Variants in NACC1 observed in about 807,000 individuals in gnomAD.
NACC1 encodes nucleus accumbens associated 1.
Under a neutral mutation model 41.7 loss-of-function variants are expected in NACC1, and 6 were observed. The observed-to-expected ratio is 0.14, with a 90% CI of 0.08 to 0.28. The LOEUF (loss-of-function observed/expected upper bound fraction) is 0.28, where lower values mean the gene tolerates loss of function less well. NACC1 is among the 10% of genes least tolerant of loss of function. NACC1 has a pLI of 1.00. For synonymous variants in NACC1, 338 were observed against 330.6 expected (o/e 1.02, Z -0.24); for missense variants, 434 against 763.7 (o/e 0.57, Z 5.09).
intron 1 of NACC1, among the ~76,000 whole-genome samples, chr19:13,130,295 C>T (rs1249559758): frequency 6.6e-6 from 1 of 152,060 alleles, no homozygotes; most frequent in Admixed American, 6.6e-5. Flanking sequence ...CCAGACTGGT[C>T]TTGAACCCCT....
chr19:13,131,211 A>G (rs4926210), intron 1 of NACC1, among the ~76,000 whole-genome samples: 96,251 of 151,980 alleles, frequency 0.63, 31,316 homozygotes, highest in African/African-American at 0.76. Flanking sequence ...AGGAGGATGC[A>G]GTTCATCAGG....
At position 13,138,506 on chromosome 19, in the gene NACC1, G is replaced by T. The variant is rs552117276; in HGVS notation, c.*100G>T. 5.6e-5 allele frequency: 84 copies of T among 1,492,216 alleles called. No individual in the cohort carries two copies. Among genetic ancestry groups the T allele is most frequent in the Non-Finnish European group, 7.0e-5 (78 of 1,111,306 alleles). 92.4% of individuals were successfully genotyped at this position (1,492,216 alleles called of 1,614,324 possible). A position where few individuals can be genotyped will look rare whatever the true frequency, so the allele number is the denominator to read the frequency against. On this transcript the variant is annotated 3_prime_UTR_variant, in exon 6 of 6. Transcript: ENST00000292431. This position sits in a 1 kb window ranked among gnomAD's most constrained non-coding sequence, Gnocchi z 5.7. ...TACTGTCTGTCCCTCCCCAGGACCCGCGGTGGGTGCTGCATGTTCCCGGCC... is the reference window on the plus strand; with the variant it reads ...TACTGTCTGTCCCTCCCCAGGACCCTCGGTGGGTGCTGCATGTTCCCGGCC...
At chr19:13,128,830 T>G (rs2019596477) in intron 1 of NACC1, among the ~76,000 whole-genome samples, 1 of 152,234 alleles carries the variant, frequency 6.6e-6, no homozygotes, top group African/African-American at 2.4e-5. Context: ...CCGTGTGCTG[T>G]GCCCTTGGGT....
chr19:13,126,340 C>T (rs545581061), intron 1 of NACC1, among the ~76,000 whole-genome samples: 4 of 152,142 alleles, frequency 2.6e-5, no homozygotes, highest in Admixed American at 6.5e-5. Flanking sequence ...CGTGAGTCAC[C>T]GTGCCCAGCC....
rs2019738446 is a variant in NACC1, at chr19:13,138,444, C to G, written c.*38C>G. The G allele has an allele frequency of 6.3e-7, 1 of 1,595,764 alleles. No homozygotes were observed. The highest frequency in any genetic ancestry group is 8.5e-7 in the Non-Finnish European group (1 of 1,175,618). ...CCCGCGGGGCCACACACTTCCCCTC[C>G]CAACACACACACACACCTGCCATCT... is the stretch of plus-strand genomic sequence containing the variant. On this transcript the variant is annotated 3_prime_UTR_variant, in exon 6 of 6. Coordinates refer to ENST00000292431, the MANE Select transcript of NACC1 (RefSeq NM_052876.4). This position sits in a 1 kb window ranked among gnomAD's most constrained non-coding sequence, Gnocchi z 5.7.
Position 13,137,417 on chromosome 19 carries a change from T to C in NACC1, c.1226+41T>C, listed in dbSNP as rs1231791860. On this transcript the variant is annotated intron_variant, in intron 4 of 5. Coordinates refer to ENST00000292431, the MANE Select transcript of NACC1 (RefSeq NM_052876.4). The surrounding 1 kb of genome is among the most constrained non-coding windows in gnomAD (Gnocchi z 6.1). The stretch of plus-strand genomic sequence containing the variant: ...GAGCCCCAGGGAGGGGGGTGGGGTT[T>C]CCCCATGTCCCCCCCACCACCAACT... 3 of 1,607,912 alleles carry C rather than the reference T, an allele frequency of 1.9e-6. No homozygotes were observed. The highest frequency in any genetic ancestry group is 1.7e-6 in the Non-Finnish European group (2 of 1,175,430).
intron 1 of NACC1, among the ~76,000 whole-genome samples, chr19:13,126,809 C>A (rs1187721512): frequency 2.0e-5 from 3 of 152,094 alleles, no homozygotes; most frequent in South Asian, 2.1e-4. Flanking sequence ...GGAAGTAATT[C>A]TTTGTTCATT....
intron 1 of NACC1, among the ~76,000 whole-genome samples, chr19:13,127,606 G>A (rs901436099): frequency 8.0e-5 from 12 of 150,116 alleles, no homozygotes; most frequent in African/African-American, 2.2e-4. Flanking sequence ...CAGGAGAATC[G>A]CTTGAACGAT....
chr19:13,140,054 C>G lies in NACC1; in HGVS notation c.*1648C>G, dbSNP rs1280121447. 6.6e-6 allele frequency: 1 copy of G among 152,432 alleles called. No individual in the cohort carries two copies. The highest frequency in any genetic ancestry group is 6.5e-5 in the Admixed American group (1 of 15,268). 9.4% of individuals were successfully genotyped at this position (152,432 alleles called of 1,614,324 possible). A position where few individuals can be genotyped will look rare whatever the true frequency, so the allele number is the denominator to read the frequency against. ...GTAATCTGATTTGGAGACCATCCCC[C>G]CGATGGGACCAGCAGCCCCGCCGGC... On this transcript the variant is annotated 3_prime_UTR_variant, in exon 6 of 6. Coordinates refer to ENST00000292431, the MANE Select transcript of NACC1 (RefSeq NM_052876.4). The surrounding 1 kb of genome is among the most constrained non-coding windows in gnomAD (Gnocchi z 4.0).
intron 1 of NACC1, among the ~76,000 whole-genome samples, chr19:13,127,333 C>CA (rs59958429): frequency 0.012 from 468 of 40,004 alleles, 8 homozygotes; most frequent in East Asian, 0.093. Context: ...ACGTCTCTAC[C>CA]AAAAAAAAAA....
At chr19:13,119,606 G>C (rs2019463298) in intron 1 of NACC1, among the ~76,000 whole-genome samples, 2 of 152,180 alleles carry the variant, frequency 1.3e-5, no homozygotes, top group Non-Finnish European at 2.9e-5. Context: ...GGCCTCCCAG[G>C]CACCAACTCC....
intron 1 of NACC1, among the ~76,000 whole-genome samples, chr19:13,127,402 G>A (rs1283097686): frequency 6.4e-5 from 3 of 46,572 alleles, no homozygotes; most frequent in African/African-American, 2.7e-4. Flanking sequence ...TTTTTTTTTC[G>A]GTTAACTGGA....
intron 1 of NACC1, among the ~76,000 whole-genome samples, chr19:13,124,497 T>G (rs1310926375): frequency 2.6e-5 from 4 of 152,098 alleles, no homozygotes; most frequent in Admixed American, 1.3e-4. Context: ...TGCCTCAGCC[T>G]CCCGAAGTTC....
At position 13,140,783 on chromosome 19, in the gene NACC1, CT is replaced by C; in HGVS notation, c.*2382del. On this transcript the variant is annotated 3_prime_UTR_variant, in exon 6 of 6. Transcript: ENST00000292431. This position sits in a 1 kb window ranked among gnomAD's most constrained non-coding sequence, Gnocchi z 4.0. ...ACCCCTACCCCTGGGCGGCCTGCTG[CT>C]TTTTCCTTCTCTTCCTCCCCTGCCC... 1 of 153,112 alleles carries C rather than the reference CT, an allele frequency of 6.5e-6. No individual in the cohort carries two copies. The highest frequency in any genetic ancestry group is 1.5e-5 in the Non-Finnish European group (1 of 68,452). The allele number at this position is 153,112 out of a possible 1,614,324, so 9.5% of individuals were successfully genotyped here.
At position 13,136,183 on chromosome 19, in the gene NACC1, C is replaced by CA; in HGVS notation, c.946+31dup. On this transcript the variant is annotated intron_variant, in intron 2 of 5. Transcript: ENST00000292431. This position sits in a 1 kb window ranked among gnomAD's most constrained non-coding sequence, Gnocchi z 5.5. ...GGTGCCGTCCTGTCCCCCATCCCAC[C>CA]AGCCACCCCTGCTCCTCCTGCCACT... 2 of 1,602,548 alleles carry CA rather than the reference C, an allele frequency of 1.2e-6. No individual in the cohort carries two copies. Among genetic ancestry groups the CA allele is most frequent in the Non-Finnish European group, 8.5e-7 (1 of 1,173,328 alleles).
rs534725151 is a variant in NACC1 at position 13,136,864 on chromosome 19, AAAG to A, written c.1121-396_1121-394del. ...CAGAGTGAGACTTCATCTCTTAAAAAAAGAAGAAGAAGACTGTGTTTGGTCCTT... is the reference window on the plus strand; with the variant it reads ...CAGAGTGAGACTTCATCTCTTAAAAAAAGAAGAAGACTGTGTTTGGTCCTT... On this transcript the variant is annotated intron_variant, in intron 3 of 5. Coordinates refer to ENST00000292431, the MANE Select transcript of NACC1 (RefSeq NM_052876.4). This position sits in a 1 kb window ranked among gnomAD's most constrained non-coding sequence, Gnocchi z 5.5. 5.2e-3 allele frequency among the ~76,000 whole-genome samples: 789 copies of A among 152,260 alleles called. 5 individuals are homozygous for A. Among genetic ancestry groups the A allele is most frequent in the Non-Finnish European group, 8.3e-3 (565 of 68,004 alleles).
intron 1 of NACC1, among the ~76,000 whole-genome samples, chr19:13,126,509 C>T (rs2019564645): frequency 6.6e-6 from 1 of 152,140 alleles, no homozygotes; most frequent in South Asian, 2.1e-4. Flanking sequence ...CTCTCACAGG[C>T]CCATGCTGGC....
At position 13,137,064 on chromosome 19, in the gene NACC1, C is replaced by T. The variant is rs2019716850; in HGVS notation, c.1121-207C>T. Among the ~76,000 whole-genome samples the T allele has an allele frequency of 6.6e-6, 1 of 152,174 alleles. No individual in the cohort carries two copies. Among genetic ancestry groups the T allele is most frequent in the Non-Finnish European group, 1.5e-5 (1 of 68,022 alleles). On this transcript the variant is annotated intron_variant, in intron 3 of 5. Coordinates refer to ENST00000292431, the MANE Select transcript of NACC1 (RefSeq NM_052876.4). This position sits in a 1 kb window ranked among gnomAD's most constrained non-coding sequence, Gnocchi z 6.1. ...GCAACCCTTTCTGTCCTTTCCTGAG[C>T]ACTGATGAGGTTGGGGGAGCCCCAA...
chr19:13,117,355 G>T (rs544427520), upstream of NACC1: 1 of 152,284 alleles, frequency 6.6e-6, no homozygotes, highest in African/African-American at 2.4e-5. Flanking sequence ...TTTACCATTT[G>T]TTACTGGGTT....
Sources: gnomAD v4.1 joint callset for allele counts (sites outside exome capture counted in the v4.1 genomes callset) on GRCh38, gnomAD v4.1.1 for gene constraint, Gnocchi (gnomAD v3.1) non-coding constraint, MANE v1.5 for transcripts, NCBI Gene and HGNC (gene_info 2026-07-23, HGNC 2026-07-21) for gene names.